Variants in EYA4 observed in about 807,000 individuals in gnomAD.
EYA4 encodes EYA transcriptional coactivator and phosphatase 4.
EYA4 carries 31 observed loss-of-function variants against 87.9 expected under a neutral mutation model. The observed-to-expected ratio is 0.35, with a 90% CI of 0.27 to 0.48. EYA4 has a LOEUF of 0.48. Ranked by LOEUF, EYA4 falls within the 20% of genes least tolerant of loss-of-function variation. EYA4 has a pLI of 0.99. For synonymous variants in EYA4, 263 were observed against 270.6 expected (o/e 0.97, Z 0.28); for missense variants, 678 against 761.4 (o/e 0.89, Z 1.29).
At chr6:133,241,977 C>T (rs546047189) in intron 1 of EYA4, among the ~76,000 whole-genome samples, 57 of 152,296 alleles carry the variant, frequency 3.7e-4, no homozygotes, top group African/African-American at 1.2e-3. Context: ...CGCAGCGGTG[C>T]TCTCTGCCCT....
chr6:133,379,163 G>T (rs185111439), intron 2 of EYA4, among the ~76,000 whole-genome samples: 5 of 152,206 alleles, frequency 3.3e-5, no homozygotes, highest in Non-Finnish European at 5.9e-5. Context: ...ACCCAGTTAC[G>T]TGGAAGGCTG....
intron 2 of EYA4, among the ~76,000 whole-genome samples, chr6:133,374,948 CATTTT>C (rs763100999): frequency 2.0e-5 from 3 of 151,852 alleles, no homozygotes; most frequent in Non-Finnish European, 2.9e-5. Context: ...GGCAAAATGC[CATTTT>C]ATTTTCCTTG....
chr6:133,442,182 A>G (rs566885538), intron 3 of EYA4, among the ~76,000 whole-genome samples: 3 of 152,224 alleles, frequency 2.0e-5, no homozygotes, highest in African/African-American at 7.2e-5. Context: ...ACTAGGAGTC[A>G]TATTTTTCTG....
intron 2 of EYA4, 90 bp downstream of exon 2, chr6:133,274,903 T>C (rs1777039574): frequency 1.0e-6 from 1 of 977,332 alleles, no homozygotes; most frequent in Non-Finnish European, 1.6e-6. Context: ...AGAAGTAAGT[T>C]TTTCATTAAA....
At chr6:133,475,270 T>C (rs995257284) in intron 11 of EYA4, among the ~76,000 whole-genome samples, 1 of 152,096 alleles carries the variant, frequency 6.6e-6, no homozygotes, top group Non-Finnish European at 1.5e-5. Flanking sequence ...GTATATCAGA[T>C]TTTTTATTTG....
intron 2 of EYA4, among the ~76,000 whole-genome samples, chr6:133,336,133 C>T (rs1029037487): frequency 6.6e-6 from 1 of 151,910 alleles, no homozygotes; most frequent in African/African-American, 2.4e-5. Context: ...TTGCAGTTCC[C>T]AATAGGATAA....
At chr6:133,384,538 A>T (rs1173295934) in intron 3 of EYA4, among the ~76,000 whole-genome samples, 3 of 152,076 alleles carry the variant, frequency 2.0e-5, no homozygotes, top group Non-Finnish European at 4.4e-5. Context: ...AAATACAATA[A>T]TTTTTCTTAA....
chr6:133,516,176 G>T (rs1271829165), intron 17 of EYA4, among the ~76,000 whole-genome samples: 1 of 152,094 alleles, frequency 6.6e-6, no homozygotes, highest in East Asian at 1.9e-4. Context: ...ATAAGTGGGA[G>T]CTAAATGATG....
At chr6:133,284,691 C>T (rs1167488093) in intron 2 of EYA4, among the ~76,000 whole-genome samples, 1 of 152,106 alleles carries the variant, frequency 6.6e-6, no homozygotes, top group African/African-American at 2.4e-5. Flanking sequence ...AAGTTCTATT[C>T]TTAGTTCTTT....
chr6:133,292,511 A>G (rs1240620650), intron 2 of EYA4, among the ~76,000 whole-genome samples: 5 of 152,202 alleles, frequency 3.3e-5, no homozygotes, highest in African/African-American at 4.8e-5. Flanking sequence ...TTACATGAAC[A>G]TGGATTGAAT....
At chr6:133,447,629 A>G (rs2128624965) in intron 4 of EYA4, among the ~76,000 whole-genome samples, 1 of 152,242 alleles carries the variant, frequency 6.6e-6, no homozygotes, top group Non-Finnish European at 1.5e-5. Flanking sequence ...ACCTCTTCCC[A>G]TTTATTTTAG....
rs56377439 is a variant in EYA4, at chr6:133,275,089, A to G, written c.33+276A>G. On this transcript the variant is annotated intron_variant, in intron 2 of 19. Transcript: ENST00000355286. Reference sequence around the variant, plus strand: ...TGAAATCATGATGCATGTTTTAGACAGTCTAAACAATTTTATATACGTCCT... The same window carrying G: ...TGAAATCATGATGCATGTTTTAGACGGTCTAAACAATTTTATATACGTCCT... Among the ~76,000 whole-genome samples the G allele has an allele frequency of 0.14, 21,691 of 152,128 alleles. 1,992 individuals carry two copies. The highest frequency in any genetic ancestry group is 0.2 in the Non-Finnish European group (13,828 of 67,970).
chr6:133,432,769 G>C (rs1329126124), intron 3 of EYA4, among the ~76,000 whole-genome samples: 3 of 151,834 alleles, frequency 2.0e-5, no homozygotes, highest in Non-Finnish European at 4.4e-5. Context: ...TTCACATTCT[G>C]ATCCCTCGTG....
intron 14 of EYA4, 146 bp from the exon 15 acceptor site, chr6:133,512,575 G>C: frequency 1.4e-6 from 1 of 721,198 alleles, no homozygotes; most frequent in Non-Finnish European, 2.5e-6. Context: ...CCCAACAGAA[G>C]AAAACAAGAG....
chr6:133,399,428 G>C (rs1267340976), intron 3 of EYA4, among the ~76,000 whole-genome samples: 1 of 152,066 alleles, frequency 6.6e-6, no homozygotes, highest in Non-Finnish European at 1.5e-5. Context: ...TTGATGTGTG[G>C]TGTAGAAAGG....
intron 2 of EYA4, among the ~76,000 whole-genome samples, chr6:133,301,231 C>G (rs1490566583): frequency 2.6e-5 from 4 of 151,934 alleles, no homozygotes; most frequent in Admixed American, 2.0e-4. Context: ...ACTATTCATT[C>G]AAAAAAACAT....
At chr6:133,242,645 C>T (rs1242703271) in intron 1 of EYA4, among the ~76,000 whole-genome samples, 2 of 152,172 alleles carry the variant, frequency 1.3e-5, no homozygotes, top group East Asian at 3.9e-4. Context: ...GCAACCCGAA[C>T]TTTCGTTTGG....
chr6:133,424,647 G>A (rs954246156), intron 3 of EYA4, among the ~76,000 whole-genome samples: 3 of 142,256 alleles, frequency 2.1e-5, no homozygotes, highest in South Asian at 4.6e-4. Context: ...ACTTGGAAGG[G>A]GCGGGACTCC....
chr6:133,290,218 G>A (rs1422505649), intron 2 of EYA4, among the ~76,000 whole-genome samples: 1 of 152,208 alleles, frequency 6.6e-6, no homozygotes, highest in Non-Finnish European at 1.5e-5. Flanking sequence ...CTTGTGGGTA[G>A]GGGAGCAGAA....
Sources: allele counts gnomAD v4.1 joint callset (sites outside exome capture counted in the v4.1 genomes callset), GRCh38; gene constraint gnomAD v4.1.1; transcripts MANE v1.5; gene names NCBI Gene and HGNC (gene_info 2026-07-23, HGNC 2026-07-21).